KCTD16: variants seen among roughly 807,000 people sequenced by gnomAD.
KCTD16 encodes potassium channel tetramerization domain containing 16.
Under a neutral mutation model 33.2 loss-of-function variants are expected in KCTD16, and 13 were observed. The observed-to-expected ratio is 0.39, with a 90% confidence interval of 0.25 to 0.62. The LOEUF (loss-of-function observed/expected upper bound fraction) is 0.62, where lower values mean the gene tolerates loss of function less well. Ranked by LOEUF, KCTD16 falls within the 20% of genes least tolerant of loss-of-function variation. The probability of loss-of-function intolerance (pLI) is 0.50; values close to 1 mark genes in which losing one functional copy is unlikely to be tolerated. For synonymous variants in KCTD16, 197 were observed against 195.3 expected (o/e 1.01, Z -0.07); for missense variants, 441 against 525.1 (o/e 0.84, Z 1.57).
chr5:144,466,986 CACTATATAT>C (rs1754347991), intron 3 of KCTD16, among the ~76,000 whole-genome samples: 1 of 125,838 alleles, frequency 7.9e-6, no homozygotes, highest in South Asian at 2.4e-4. Context: ...ATATATATAA[CACTATATAT>C]ATTATATATA....
At chr5:144,221,270 G>GTAT (rs577640226) in intron 3 of KCTD16, among the ~76,000 whole-genome samples, 161 of 151,956 alleles carry the variant, frequency 1.1e-3, no homozygotes, top group African/African-American at 3.0e-3. Flanking sequence ...ATCTGCTTTA[G>GTAT]TATTATTATT....
intron 2 of KCTD16, among the ~76,000 whole-genome samples, chr5:144,179,240 A>G (rs1752568634): frequency 6.6e-6 from 1 of 152,122 alleles, no homozygotes; most frequent in Admixed American, 6.6e-5. Flanking sequence ...CCCAGCAGAA[A>G]AGTCTCCCCA....
intron 3 of KCTD16, among the ~76,000 whole-genome samples, chr5:144,261,901 T>C (rs1044200692): frequency 1.6e-4 from 25 of 152,322 alleles, no homozygotes; most frequent in African/African-American, 5.5e-4. Flanking sequence ...TTTTAAAGAA[T>C]CATTTTGATT....
chr5:144,413,718 T>G (rs1012018398), intron 3 of KCTD16, among the ~76,000 whole-genome samples: 1 of 152,208 alleles, frequency 6.6e-6, no homozygotes, highest in African/African-American at 2.4e-5. Flanking sequence ...ATCTCCGTGG[T>G]CAGGATGGAG....
chr5:144,199,615 G>A (rs1753003220), intron 2 of KCTD16, among the ~76,000 whole-genome samples: 2 of 149,028 alleles, frequency 1.3e-5, no homozygotes, highest in Non-Finnish European at 3.0e-5. Flanking sequence ...TGAGATCACA[G>A]TTTTAAAACA....
chr5:144,178,423 A>T (rs1752549085), intron 2 of KCTD16, among the ~76,000 whole-genome samples: 2 of 152,114 alleles, frequency 1.3e-5, no homozygotes, highest in South Asian at 4.1e-4. Flanking sequence ...TCTTTAAATG[A>T]GGTTTATTTT....
intron 3 of KCTD16, among the ~76,000 whole-genome samples, chr5:144,434,989 G>C (rs1315625516): frequency 1.1e-4 from 16 of 152,202 alleles, no homozygotes. Context: ...GCATGAGGAA[G>C]GGAGCTAGAA....
At chr5:144,282,278 T>G (rs1253905913) in intron 3 of KCTD16, among the ~76,000 whole-genome samples, 5 of 152,202 alleles carry the variant, frequency 3.3e-5, no homozygotes, top group Non-Finnish European at 7.3e-5. Flanking sequence ...GGCTTCCATA[T>G]AGCTAAACAT....
At chr5:144,263,623 TA>T (rs1390277319) in intron 3 of KCTD16, among the ~76,000 whole-genome samples, 1 of 152,116 alleles carries the variant, frequency 6.6e-6, no homozygotes, top group Non-Finnish European at 1.5e-5. Flanking sequence ...ATTAGAAGAT[TA>T]AAAAAATGAT....
intron 2 of KCTD16, among the ~76,000 whole-genome samples, chr5:144,202,995 A>G (rs1753077785): frequency 6.6e-6 from 1 of 152,140 alleles, no homozygotes; most frequent in Non-Finnish European, 1.5e-5. Context: ...CTTTTTACTC[A>G]GCCTTTCCTG....
chr5:144,359,275 T>C (rs1751648386), intron 3 of KCTD16, among the ~76,000 whole-genome samples: 1 of 152,162 alleles, frequency 6.6e-6, no homozygotes, highest in South Asian at 2.1e-4. Context: ...TTCAGAATGT[T>C]TTCTGTAGAA....
chr5:144,202,273 C>G (rs1753060542), intron 2 of KCTD16, among the ~76,000 whole-genome samples: 1 of 152,122 alleles, frequency 6.6e-6, no homozygotes, highest in South Asian at 2.1e-4. Context: ...GACACGAAGG[C>G]TAGGAATACA....
At chr5:144,385,958 A>G (rs982392591) in intron 3 of KCTD16, among the ~76,000 whole-genome samples, 1 of 152,114 alleles carries the variant, frequency 6.6e-6, no homozygotes, top group African/African-American at 2.4e-5. Context: ...AAAAATATTC[A>G]TGGTAGAGAG....
chr5:144,415,405 C>T (rs954684884), intron 3 of KCTD16, among the ~76,000 whole-genome samples: 3 of 152,026 alleles, frequency 2.0e-5, no homozygotes, highest in African/African-American at 7.2e-5. Context: ...CATTGTGGAG[C>T]AGAGGAAAGG....
At chr5:144,353,296 A>T (rs754381902) in intron 3 of KCTD16, among the ~76,000 whole-genome samples, 11 of 152,170 alleles carry the variant, frequency 7.2e-5, no homozygotes, top group Non-Finnish European at 1.3e-4. Flanking sequence ...TCACAGGTGA[A>T]CATAGACACG....
At chr5:144,197,541 T>C (rs985484800) in intron 2 of KCTD16, among the ~76,000 whole-genome samples, 2 of 152,200 alleles carry the variant, frequency 1.3e-5, no homozygotes, top group African/African-American at 4.8e-5. Flanking sequence ...CAAATATATA[T>C]AGAGTGCTTA....
chr5:144,393,568 T>C (rs1489778078), intron 3 of KCTD16, among the ~76,000 whole-genome samples: 1 of 151,750 alleles, frequency 6.6e-6, no homozygotes, highest in Non-Finnish European at 1.5e-5. Context: ...AGAGAGAGAG[T>C]GTGAGTGTGT....
chr5:144,191,410 C>CT (rs950867439), intron 2 of KCTD16, among the ~76,000 whole-genome samples: 30 of 152,318 alleles, frequency 2.0e-4, no homozygotes, highest in Middle Eastern at 3.4e-3. Flanking sequence ...GGATAATTGA[C>CT]TGTTCTTTTC....
At chr5:144,261,169 A>AC (rs1289638498) in intron 3 of KCTD16, among the ~76,000 whole-genome samples, 1 of 91,212 alleles carries the variant, frequency 1.1e-5, no homozygotes, top group Non-Finnish European at 2.7e-5. Flanking sequence ...AACAACAACA[A>AC]AAAAAAAAAA....
Sources: allele counts gnomAD v4.1 joint callset (sites outside exome capture counted in the v4.1 genomes callset), GRCh38; gene constraint gnomAD v4.1.1; transcripts MANE v1.5; gene names NCBI Gene and HGNC (gene_info 2026-07-23, HGNC 2026-07-21).